The following CSMD1 variants were observed in gnomAD, a reference collection of about 807,000 sequenced individuals.
CSMD1 encodes the protein CUB and Sushi multiple domains 1, also known as CUB and sushi domain-containing protein 1.
In CSMD1, 213 loss-of-function variants were observed where a neutral mutation model predicts 417.5. The ratio of observed to expected loss-of-function variants is 0.51; its 90% CI spans 0.46 to 0.57. The LOEUF (loss-of-function observed/expected upper bound fraction) is 0.57. CSMD1 is among the 20% of genes least tolerant of loss of function. The probability of loss-of-function intolerance (pLI) is 0.00; values close to 1 mark genes in which losing one functional copy is unlikely to be tolerated. For synonymous variants in CSMD1, 2,862 were observed against 1,736.8 expected (o/e 1.65, Z -16.11); for missense variants, 6,923 against 4,529.7 (o/e 1.53, Z -15.17).
At chr8:4,438,931 T>C (rs866469714) in intron 2 of CSMD1, among the ~76,000 whole-genome samples, 2 of 152,224 alleles carry the variant, frequency 1.3e-5, no homozygotes, top group South Asian at 2.1e-4. Context: ...CAATATATGG[T>C]GTAGGATTCC....
chr8:4,122,373 A>G (rs1356741536), intron 3 of CSMD1, among the ~76,000 whole-genome samples: 1 of 152,220 alleles, frequency 6.6e-6, no homozygotes, highest in Non-Finnish European at 1.5e-5. Flanking sequence ...CTCAGTGCCA[A>G]CAATTTGCCA....
At chr8:4,675,478 C>T (rs117396680) in intron 1 of CSMD1, among the ~76,000 whole-genome samples, 281 of 152,144 alleles carry the variant, frequency 1.8e-3, no homozygotes, top group Non-Finnish European at 2.7e-3. Flanking sequence ...GAACAATACA[C>T]GGATAACAAG....
At chr8:4,395,879 G>C (rs1398738798) in intron 3 of CSMD1, among the ~76,000 whole-genome samples, 4 of 152,224 alleles carry the variant, frequency 2.6e-5, no homozygotes, top group South Asian at 2.1e-4. Flanking sequence ...TAATTCGGTA[G>C]TGTATCTAGA....
intron 12 of CSMD1, among the ~76,000 whole-genome samples, chr8:3,426,068 GA>G: frequency 6.6e-6 from 1 of 152,296 alleles, no homozygotes; most frequent in East Asian, 1.9e-4. Context: ...GATAATCTGT[GA>G]AAATGTAAAA....
intron 18 of CSMD1, among the ~76,000 whole-genome samples, chr8:3,380,329 G>C (rs1321013030): frequency 6.6e-6 from 1 of 152,142 alleles, no homozygotes; most frequent in African/African-American, 2.4e-5. Context: ...AAGACAGTGT[G>C]GTGATTCCTC....
At chr8:3,605,444 C>T (rs982182033) in intron 8 of CSMD1, among the ~76,000 whole-genome samples, 1 of 152,214 alleles carries the variant, frequency 6.6e-6, no homozygotes, top group South Asian at 2.1e-4. Flanking sequence ...ACCAATGCAG[C>T]AATACTATAA....
intron 2 of CSMD1, among the ~76,000 whole-genome samples, chr8:4,463,373 G>A (rs1266248052): frequency 4.6e-5 from 7 of 152,062 alleles, no homozygotes; most frequent in East Asian, 1.9e-4. Context: ...AAAATACTCC[G>A]GAAGTTCGAC....
chr8:4,914,009 T>A (rs957949108), intron 1 of CSMD1, among the ~76,000 whole-genome samples: 1 of 152,190 alleles, frequency 6.6e-6, no homozygotes, highest in Admixed American at 6.5e-5. Context: ...ACATATAAGG[T>A]GTGATGCTGC....
intron 12 of CSMD1, among the ~76,000 whole-genome samples, chr8:3,459,041 G>A (rs570639319): frequency 1.6e-3 from 245 of 152,340 alleles, no homozygotes; most frequent in Middle Eastern, 6.8e-3. Flanking sequence ...GGACCCGCCC[G>A]GAGAGAAGGG....
chr8:3,550,274 G>C (rs1322507991), intron 10 of CSMD1, among the ~76,000 whole-genome samples: 1 of 151,920 alleles, frequency 6.6e-6, no homozygotes, highest in Non-Finnish European at 1.5e-5. Flanking sequence ...GGCCACTATG[G>C]CTGCCCTCTC....
chr8:3,923,301 T>A (rs187805903), intron 5 of CSMD1, among the ~76,000 whole-genome samples: 2 of 152,258 alleles, frequency 1.3e-5, no homozygotes, highest in Non-Finnish European at 2.9e-5. Flanking sequence ...CCTTCCCCAT[T>A]TGGGGAGTTT....
At chr8:3,784,471 G>A (rs1797871592) in intron 5 of CSMD1, among the ~76,000 whole-genome samples, 1 of 152,114 alleles carries the variant, frequency 6.6e-6, no homozygotes, top group Non-Finnish European at 1.5e-5. Flanking sequence ...TGATTTTAAG[G>A]TGAACTTCTA....
chr8:3,817,249 CTTCTTTTTTTTTTTTTTTTTTTTTTTT>C (rs1801431063), intron 5 of CSMD1, among the ~76,000 whole-genome samples: 1 of 72,948 alleles, frequency 1.4e-5, no homozygotes, highest in Non-Finnish European at 2.8e-5. Context: ...ATATCTTCTT[CTTCTTTTTTTTTTTTTTTTTTTTTTTT>C]TTTTTTTTTT....
intron 5 of CSMD1, among the ~76,000 whole-genome samples, chr8:3,789,322 C>A (rs183507450): frequency 2.0e-5 from 3 of 150,772 alleles, no homozygotes; most frequent in Non-Finnish European, 2.9e-5. Context: ...ACAGCCCCAA[C>A]AGACTAATAC....
At chr8:4,034,177 G>A (rs1396297570) in intron 3 of CSMD1, among the ~76,000 whole-genome samples, 1 of 152,118 alleles carries the variant, frequency 6.6e-6, no homozygotes, top group South Asian at 2.1e-4. Flanking sequence ...TTAGAATACG[G>A]AATAGGAATC....
chr8:3,693,890 A>C (rs1394327134), intron 7 of CSMD1, among the ~76,000 whole-genome samples: 1 of 149,158 alleles, frequency 6.7e-6, no homozygotes, highest in Non-Finnish European at 1.5e-5. Context: ...TGTTGAATAT[A>C]GATGTGTGTT....
chr8:4,754,557 T>A (rs1272024392), intron 1 of CSMD1, among the ~76,000 whole-genome samples: 6 of 151,626 alleles, frequency 4.0e-5, no homozygotes, highest in Admixed American at 3.3e-4. Context: ...TTTTTTTTTT[T>A]AAAGCCAAGT....
intron 3 of CSMD1, among the ~76,000 whole-genome samples, chr8:4,054,066 C>A (rs1333669977): frequency 1.3e-5 from 2 of 152,150 alleles, no homozygotes; most frequent in South Asian, 2.1e-4. Context: ...AATGCTACTC[C>A]TATCTCTCTC....
In CSMD1 at chr8:4,354,981, G is replaced by A. The variant is rs114276465; in HGVS notation, c.415+64972C>T. On this transcript the variant is annotated intron_variant, in intron 3 of 69. Coordinates refer to ENST00000635120, the MANE Select transcript of CSMD1 (RefSeq NM_033225.6). ...CCAAACCCATGTTTAGATCTTTTGTGGCCAGGCACGGTGGCTCACGCCTGT... is the reference window on the plus strand; with the variant it reads ...CCAAACCCATGTTTAGATCTTTTGTAGCCAGGCACGGTGGCTCACGCCTGT... 4.6e-3 allele frequency among the ~76,000 whole-genome samples: 704 copies of A among 151,640 alleles called. 5 individuals are homozygous for A. The highest frequency in any genetic ancestry group is 0.016 in the African/African-American group (651 of 41,368).
Sources: gnomAD v4.1 joint callset for allele counts (sites outside exome capture counted in the v4.1 genomes callset) on GRCh38, gnomAD v4.1.1 for gene constraint, MANE v1.5 for transcripts, NCBI Gene and HGNC (gene_info 2026-07-23, HGNC 2026-07-21) for gene names.